C8orf34: variants seen among roughly 807,000 people sequenced by gnomAD.
C8orf34 encodes chromosome 8 open reading frame 34, also known as uncharacterized protein C8orf34.
In C8orf34, 65 loss-of-function variants were observed where a neutral mutation model predicts 68.3. The observed-to-expected ratio is 0.95, with a 90% CI of 0.78 to 1.17. The LOEUF is 1.17. Ranked by LOEUF, C8orf34 falls within the 50% of genes most tolerant of loss-of-function variation. The pLI, the probability that C8orf34 is intolerant of heterozygous loss-of-function variation, is 0.00. For missense variants in C8orf34, 664 were observed against 655.4 expected, an observed-to-expected ratio of 1.01 and a Z score of -0.14; for synonymous variants, 244 against 241.2, an observed-to-expected ratio of 1.01 and a Z score of -0.11.
At chr8:68,535,485 A>T in intron 7 of C8orf34, 1 of 963,166 alleles carries the variant, frequency 1.0e-6, no homozygotes, top group Non-Finnish European at 1.2e-6. Context: ...AAAAAGGATT[A>T]TTCTTCAATA....
At chr8:68,350,407 G>GTT (rs973570781) in intron 1 of C8orf34, among the ~76,000 whole-genome samples, 2 of 151,872 alleles carry the variant, frequency 1.3e-5, no homozygotes, top group Admixed American at 6.6e-5. Context: ...TGTATATTCT[G>GTT]TTGTTTGGGT....
intron 7 of C8orf34, among the ~76,000 whole-genome samples, chr8:68,602,579 A>G (rs542667278): frequency 4.3e-4 from 65 of 152,174 alleles, no homozygotes; most frequent in African/African-American, 1.5e-3. Flanking sequence ...GGTCCCTCCC[A>G]CAACACATGG....
chr8:68,331,649 G>A (rs1398486373), intron 1 of C8orf34, among the ~76,000 whole-genome samples: 1 of 151,872 alleles, frequency 6.6e-6, no homozygotes, highest in Non-Finnish European at 1.5e-5. Context: ...TTCAGGACCC[G>A]GGCAGGCTGA....
At chr8:68,652,572 TG>T (rs893168842) in intron 8 of C8orf34, among the ~76,000 whole-genome samples, 1 of 152,206 alleles carries the variant, frequency 6.6e-6, no homozygotes, top group Non-Finnish European at 1.5e-5. Context: ...TGATGTATTT[TG>T]ACTTAATTTT....
At chr8:68,446,040 G>A (rs865774034) in intron 2 of C8orf34, among the ~76,000 whole-genome samples, 2 of 152,088 alleles carry the variant, frequency 1.3e-5, no homozygotes, top group African/African-American at 4.8e-5. Flanking sequence ...GATCCACCTT[G>A]GCCTCCCAAA....
Position 68,641,586 on chromosome 8 carries a change from A to T in C8orf34, c.1241+1075A>T, listed in dbSNP as rs556996737. Among the ~76,000 whole-genome samples, 225 of 152,334 alleles carry T rather than the reference A, an allele frequency of 1.5e-3. 1 individual carries two copies. The highest frequency in any genetic ancestry group is 5.3e-3 in the African/African-American group (220 of 41,566). ...TTAAGCATCCTGAGTGAACACAGTC[A>T]TCAGTGGAAGAGTTATACGATACTT... On this transcript the variant is annotated intron_variant, in intron 8 of 13. Coordinates refer to ENST00000518698, the MANE Select transcript of C8orf34 (RefSeq NM_052958.4).
At chr8:68,364,993 C>T (rs895662400) in intron 1 of C8orf34, among the ~76,000 whole-genome samples, 7 of 150,946 alleles carry the variant, frequency 4.6e-5, no homozygotes, top group South Asian at 4.2e-4. Flanking sequence ...ATTGATAGAC[C>T]GCTAGCAAGA....
Position 68,446,394 on chromosome 8 carries a change from C to A in C8orf34, c.541C>A (p.Pro181Thr). The change falls in exon 3 of 14, where the codon CCT becomes ACT. Residue 181 changes from proline (P) to threonine (T), a missense_variant. Pro to Thr is a conservative substitution (Grantham distance 38). Transcript: ENST00000518698. ...ACCTTGGCAATTAAATGCAAAGAAG[C>A]CTAAAAAATCAAAAAGTGACCTTGC... ...DKPWQLNAKK[P>T]KKSKSDLAVS... 1 of 1,612,414 alleles carries A rather than the reference C, an allele frequency of 6.2e-7. No individual in the cohort carries two copies. The highest frequency in any genetic ancestry group is 8.5e-7 in the Non-Finnish European group (1 of 1,179,240).
intron 7 of C8orf34, among the ~76,000 whole-genome samples, chr8:68,549,625 G>A (rs1815999314): frequency 1.3e-5 from 2 of 151,676 alleles, no homozygotes; most frequent in South Asian, 4.1e-4. Context: ...GTTACATCAT[G>A]AGAATATCTG....
At chr8:68,661,628 G>C (rs562067101) in intron 8 of C8orf34, among the ~76,000 whole-genome samples, 2 of 152,300 alleles carry the variant, frequency 1.3e-5, no homozygotes, top group East Asian at 3.9e-4. Context: ...GATGGGACTA[G>C]GTTCCCTATT....
intron 6 of C8orf34, 42 bp from the exon 7 acceptor site, chr8:68,532,941 C>A: frequency 7.3e-7 from 1 of 1,372,658 alleles, no homozygotes; most frequent in Non-Finnish European, 1.0e-6. Context: ...TGTAGATTTT[C>A]TTTACTTATC....
intron 5 of C8orf34, among the ~76,000 whole-genome samples, chr8:68,490,343 T>C (rs1813259010): frequency 6.6e-6 from 1 of 152,134 alleles, no homozygotes; most frequent in Admixed American, 6.6e-5. Context: ...AGCTCTGACT[T>C]GCAGCGGCTT....
At chr8:68,689,124 T>G (rs1450476122) in intron 8 of C8orf34, among the ~76,000 whole-genome samples, 1 of 152,118 alleles carries the variant, frequency 6.6e-6, no homozygotes, top group African/African-American at 2.4e-5. Context: ...GTCATTGTTC[T>G]AAGTGAAATA....
intron 12 of C8orf34, among the ~76,000 whole-genome samples, chr8:68,814,104 A>G (rs1289649401): frequency 6.6e-6 from 1 of 152,154 alleles, no homozygotes; most frequent in Non-Finnish European, 1.5e-5. Flanking sequence ...CCAAGTATGT[A>G]AGACCACAGC....
chr8:68,808,539 C>T (rs1041686809), intron 12 of C8orf34, among the ~76,000 whole-genome samples: 11 of 149,144 alleles, frequency 7.4e-5, no homozygotes, highest in African/African-American at 2.2e-4. Flanking sequence ...TTCAACCAAC[C>T]GTAGATCAAA....
chr8:68,459,412 T>G (rs554933283), intron 3 of C8orf34, among the ~76,000 whole-genome samples: 26 of 152,180 alleles, frequency 1.7e-4, no homozygotes, highest in African/African-American at 5.5e-4. Context: ...GTATTTTTTT[T>G]AGTAGAGATG....
intron 11 of C8orf34, among the ~76,000 whole-genome samples, 187 bp from the exon 12 acceptor site, chr8:68,787,256 A>G (rs1823869759): frequency 6.6e-6 from 1 of 152,176 alleles, no homozygotes; most frequent in Admixed American, 6.5e-5. Context: ...GTAAAAAATG[A>G]GTTCAGAGTT....
chr8:68,614,115 C>T (rs1003512211), intron 7 of C8orf34, among the ~76,000 whole-genome samples: 20 of 152,218 alleles, frequency 1.3e-4, no homozygotes, highest in Admixed American at 4.6e-4. Context: ...TCATGTCCTT[C>T]GCCCACTTTT....
intron 10 of C8orf34, among the ~76,000 whole-genome samples, chr8:68,774,943 C>CAAAAAAAAAAAAAAAAAAAAAAAAAAA (rs1491565981): frequency 2.8e-5 from 1 of 36,354 alleles, no homozygotes; most frequent in East Asian, 3.6e-4. Flanking sequence ...CCTGTCTCCA[C>CAAAAAAAAAAAAAAAAAAAAAAAAAAA]TAAAAAAAAA....
Sources: allele counts gnomAD v4.1 joint callset (sites outside exome capture counted in the v4.1 genomes callset), GRCh38; gene constraint gnomAD v4.1.1; transcripts MANE v1.5; gene names NCBI Gene and HGNC (gene_info 2026-07-23, HGNC 2026-07-21).